Variants in PCDH15 observed in about 807,000 individuals in gnomAD.
The protein encoded by PCDH15 is protocadherin related 15.
A neutral mutation model predicts 178.5 loss-of-function variants in PCDH15; 129 were observed. The ratio of observed to expected loss-of-function variants is 0.72; its 90% CI spans 0.63 to 0.84. The LOEUF (loss-of-function observed/expected upper bound fraction) is 0.84, where lower values mean the gene tolerates loss of function less well. PCDH15 is among the 40% of genes least tolerant of loss of function. The probability of loss-of-function intolerance (pLI) is 0.00; values close to 1 mark genes in which losing one functional copy is unlikely to be tolerated. For missense variants in PCDH15, 2,230 were observed against 2,099.9 expected (o/e 1.06, Z -1.21); for synonymous variants, 800 against 732.0 (o/e 1.09, Z -1.50).
chr10:55,429,650 T>C (rs1838837500), intron 2 of PCDH15, among the ~76,000 whole-genome samples: 1 of 152,210 alleles, frequency 6.6e-6, no homozygotes, highest in Admixed American at 6.5e-5. Flanking sequence ...CTTTTACTGA[T>C]CAGAAGAAAC....
At chr10:53,861,058 T>A (rs2079076756) in intron 27 of PCDH15, among the ~76,000 whole-genome samples, 1 of 152,170 alleles carries the variant, frequency 6.6e-6, no homozygotes, top group South Asian at 2.1e-4. Flanking sequence ...ACTATGCAAA[T>A]GAAGAAATAA....
chr10:54,660,352 C>T (rs914926293), intron 2 of PCDH15, among the ~76,000 whole-genome samples: 9 of 151,934 alleles, frequency 5.9e-5, no homozygotes, highest in South Asian at 2.1e-4. Context: ...TGATCAAAAA[C>T]GAGAAAACCT....
chr10:54,111,995 T>G (rs955566141), intron 15 of PCDH15, among the ~76,000 whole-genome samples: 24 of 146,914 alleles, frequency 1.6e-4, no homozygotes, highest in African/African-American at 6.1e-4. Context: ...AAACAAAACT[T>G]AGCTTAGCGT....
At chr10:54,191,617 T>G (rs2048994573) in intron 11 of PCDH15, among the ~76,000 whole-genome samples, 1 of 151,986 alleles carries the variant, frequency 6.6e-6, no homozygotes, top group Admixed American at 6.6e-5. Context: ...GTCATAAAAG[T>G]ATATCAAATA....
intron 1 of PCDH15, among the ~76,000 whole-genome samples, chr10:54,722,110 G>T (rs1941715157): frequency 6.6e-6 from 1 of 151,514 alleles, no homozygotes; most frequent in Admixed American, 6.6e-5. Flanking sequence ...AACTAAAATA[G>T]AAAAAACATA....
At chr10:54,041,993 AT>A (rs2093557357) in intron 18 of PCDH15, among the ~76,000 whole-genome samples, 1 of 150,582 alleles carries the variant, frequency 6.6e-6, no homozygotes, top group African/African-American at 2.4e-5. Context: ...TCTTGAGATT[AT>A]TTTTAGTAAT....
At chr10:54,228,511 A>G (rs545529709) in intron 9 of PCDH15, among the ~76,000 whole-genome samples, 2 of 152,322 alleles carry the variant, frequency 1.3e-5, no homozygotes, top group South Asian at 2.1e-4. Flanking sequence ...ATCATTTGTT[A>G]TGAATGCTAA....
At position 55,238,890 on chromosome 10, in the gene PCDH15, C is replaced by A. The variant is rs1451545814; in HGVS notation, c.-155-72239G>T. On this transcript the variant is annotated intron_variant, in intron 1 of 5. Coordinates refer to the PCDH15 transcript ENST00000458638. ...TAGGAACACAAAGTACTTTTGTAAGCACAATTCCACTCTTTTAGTTATTTT... is the reference window on the plus strand; with the variant it reads ...TAGGAACACAAAGTACTTTTGTAAGAACAATTCCACTCTTTTAGTTATTTT... Among the ~76,000 whole-genome samples, 3 of 151,980 alleles carry A rather than the reference C, an allele frequency of 2.0e-5. No homozygotes were observed. The South Asian group carries it at 6.2e-4, about 32-fold the overall frequency.
chr10:54,132,768 AG>A, intron 15 of PCDH15, 106 bp downstream of exon 15: 3 of 1,513,618 alleles, frequency 2.0e-6, no homozygotes, highest in South Asian at 2.4e-5. Context: ...AGTGGAGGCA[AG>A]CATGTGAGGT....
At chr10:54,747,900 G>A (rs1185328783) in intron 1 of PCDH15, among the ~76,000 whole-genome samples, 1 of 150,222 alleles carries the variant, frequency 6.7e-6, no homozygotes, top group African/African-American at 2.5e-5. Flanking sequence ...CCGCCTCCAG[G>A]GTTCACGCCA....
At chr10:54,268,788 CAG>C (rs2057862353) in intron 8 of PCDH15, among the ~76,000 whole-genome samples, 1 of 151,816 alleles carries the variant, frequency 6.6e-6, no homozygotes, top group African/African-American at 2.4e-5. Flanking sequence ...CATACACACA[CAG>C]AGAACAATTT....
chr10:54,203,955 G>C (rs1440571274), intron 10 of PCDH15, among the ~76,000 whole-genome samples: 2 of 152,092 alleles, frequency 1.3e-5, no homozygotes, highest in Admixed American at 1.3e-4. Context: ...TATATATCCT[G>C]TCTTTCTTTA....
chr10:54,026,812 G>A (rs1018921468), intron 18 of PCDH15, among the ~76,000 whole-genome samples: 2 of 152,104 alleles, frequency 1.3e-5, no homozygotes, highest in Non-Finnish European at 2.9e-5. Flanking sequence ...AGCTATCTAT[G>A]ACAAACCCAC....
chr10:55,415,128 G>A (rs139944536), intron 2 of PCDH15, among the ~76,000 whole-genome samples: 10 of 151,468 alleles, frequency 6.6e-5, no homozygotes, highest in Non-Finnish European at 1.2e-4. Context: ...ATGAAATGAT[G>A]TGAAACTTTA....
intron 25 of PCDH15, among the ~76,000 whole-genome samples, chr10:53,909,416 C>T (rs189395136): frequency 6.6e-6 from 1 of 152,292 alleles, no homozygotes; most frequent in Admixed American, 6.5e-5. Flanking sequence ...ATTGTAATTG[C>T]TACCACTTCA....
chr10:55,208,900 G>C (rs1840482017), intron 1 of PCDH15, among the ~76,000 whole-genome samples: 1 of 152,034 alleles, frequency 6.6e-6, no homozygotes, highest in Non-Finnish European at 1.5e-5. Flanking sequence ...ATATCAAGGA[G>C]ATACAGTATA....
chr10:54,033,267 CAA>C (rs893296067), intron 18 of PCDH15, among the ~76,000 whole-genome samples: 1 of 151,892 alleles, frequency 6.6e-6, no homozygotes, highest in Non-Finnish European at 1.5e-5. Context: ...CAACTCCTGT[CAA>C]AAGAGGATTT....
At chr10:55,061,611 G>T (rs1346539427) in intron 2 of PCDH15, among the ~76,000 whole-genome samples, 1 of 152,148 alleles carries the variant, frequency 6.6e-6, no homozygotes, top group Non-Finnish European at 1.5e-5. Context: ...GATGTTTATA[G>T]AACCTTTATT....
At chr10:53,821,025 T>A (rs564116081) in intron 32 of PCDH15, 1 of 816,772 alleles carries the variant, frequency 1.2e-6, no homozygotes, top group African/African-American at 1.9e-5. Context: ...AGGGAGATGA[T>A]TAATAATATG....
Sources: allele counts gnomAD v4.1 joint callset (sites outside exome capture counted in the v4.1 genomes callset), GRCh38; gene constraint gnomAD v4.1.1; transcripts MANE v1.5; gene names NCBI Gene and HGNC (gene_info 2026-07-23, HGNC 2026-07-21).